FGF18: variants seen among roughly 807,000 people sequenced by gnomAD.
FGF18 encodes fibroblast growth factor 18.
FGF18 carries 5 observed loss-of-function variants against 23.0 expected under a neutral mutation model. The observed-to-expected ratio is 0.22, with a 90% CI of 0.11 to 0.46. The LOEUF is 0.46. Among genes scored for constraint, FGF18 ranks in the 20% least tolerant of loss-of-function variants. The pLI is 0.99. For synonymous variants in FGF18, 117 were observed against 118.9 expected, an observed-to-expected ratio of 0.98 and a Z score of 0.10; for missense variants, 180 against 291.6, an observed-to-expected ratio of 0.62 and a Z score of 2.79.
chr5:171,446,323 G>C (rs1772418623), intron 3 of FGF18, among the ~76,000 whole-genome samples: 1 of 152,120 alleles, frequency 6.6e-6, no homozygotes, highest in Non-Finnish European at 1.5e-5. Context: ...GCCCTGGCTG[G>C]TGAGGGGTGG....
At chr5:171,425,529 CTTTTT>C (rs77671680) in intron 2 of FGF18, among the ~76,000 whole-genome samples, 1 of 106,204 alleles carries the variant, frequency 9.4e-6, no homozygotes, top group Non-Finnish European at 1.9e-5. Context: ...CCGCCATGTG[CTTTTT>C]TTTTTTTTTT....
intron 3 of FGF18, among the ~76,000 whole-genome samples, chr5:171,442,137 C>A (rs1772355379): frequency 6.6e-6 from 1 of 152,192 alleles, no homozygotes; most frequent in African/African-American, 2.4e-5. Flanking sequence ...CACGGCTATG[C>A]TAGAGCTACA....
chr5:171,420,476 C>T, intron 2 of FGF18, 33 bp downstream of exon 2: 2 of 1,607,050 alleles, frequency 1.2e-6, no homozygotes, highest in Non-Finnish European at 1.7e-6. Flanking sequence ...CCTCCTCCCG[C>T]CCCTGCCTCG....
intron 4 of FGF18, among the ~76,000 whole-genome samples, chr5:171,450,718 TCGGGGC>T (rs928528790): frequency 4.6e-5 from 7 of 151,454 alleles, no homozygotes; most frequent in Non-Finnish European, 5.9e-5. Flanking sequence ...GCGAGGGGGG[TCGGGGC>T]CGGGGCCGGG....
intron 2 of FGF18, among the ~76,000 whole-genome samples, chr5:171,428,340 A>G (rs1027538400): frequency 1.3e-5 from 2 of 152,146 alleles, no homozygotes; most frequent in African/African-American, 4.8e-5. Context: ...GCCAGCACCT[A>G]TCCCAGCCAT....
chr5:171,448,629 G>A (rs1772451450), intron 3 of FGF18, among the ~76,000 whole-genome samples: 1 of 152,030 alleles, frequency 6.6e-6, no homozygotes, highest in East Asian at 1.9e-4. Context: ...GGTTATTTTT[G>A]TGATTGTCTG....
intron 3 of FGF18, among the ~76,000 whole-genome samples, chr5:171,448,264 C>T (rs1300872058): frequency 6.6e-6 from 1 of 152,158 alleles, no homozygotes; most frequent in East Asian, 1.9e-4. Flanking sequence ...GGATCCGGTC[C>T]TGATTGGGAT....
chr5:171,422,733 C>G (rs1382290029), intron 2 of FGF18, among the ~76,000 whole-genome samples: 2 of 152,162 alleles, frequency 1.3e-5, no homozygotes, highest in Non-Finnish European at 2.9e-5. Context: ...GTAGGCTGCA[C>G]TTAGCGGGTA....
intron 3 of FGF18, among the ~76,000 whole-genome samples, chr5:171,443,711 GT>G (rs1425704222): frequency 1.3e-5 from 2 of 151,394 alleles, no homozygotes; most frequent in Non-Finnish European, 2.9e-5. Context: ...GACAACATGA[GT>G]TTTTTGTAGA....
In FGF18 at chr5:171,420,131, C is replaced by A. The variant is rs976565372; in HGVS notation, c.-69C>A. 20 of 1,303,664 alleles carry A rather than the reference C, an allele frequency of 1.5e-5. No individual in the cohort carries two copies. Among genetic ancestry groups the A allele is most frequent in the Non-Finnish European group, 1.8e-5 (19 of 1,027,304 alleles). 80.8% of individuals were successfully genotyped at this position (1,303,664 alleles called of 1,614,324 possible). A position where few individuals can be genotyped will look rare whatever the true frequency, so the allele number is the denominator to read the frequency against. ...CGGCGGCGGCGGCGGCGGAGGCGCC[C>A]GGTCCCGGCCGCGCGGAGCGGACAT... On this transcript the variant is annotated 5_prime_UTR_variant, in exon 1 of 5. Coordinates refer to ENST00000274625, the MANE Select transcript of FGF18 (RefSeq NM_003862.3).
At position 171,419,989 on chromosome 5, in the gene FGF18, G is replaced by C. The variant is rs1346997440; in HGVS notation, c.-211G>C. 1 of 196,512 alleles carries C rather than the reference G, an allele frequency of 5.1e-6. No individual in the cohort carries two copies. Among genetic ancestry groups the C allele is most frequent in the African/African-American group, 2.4e-5 (1 of 42,206 alleles). The allele number at this position is 196,512 out of a possible 1,614,324, so 12.2% of individuals were successfully genotyped here. A position where few individuals can be genotyped will look rare whatever the true frequency, so the allele number is the denominator to read the frequency against. ...CCTGCGCCAGCCCGGAGGGCGCAGC[G>C]CTCGGGAGGAGCCGCGCGGGGCGCT... On this transcript the variant is annotated 5_prime_UTR_variant, in exon 1 of 5. Coordinates refer to ENST00000274625, the MANE Select transcript of FGF18 (RefSeq NM_003862.3).
intron 2 of FGF18, among the ~76,000 whole-genome samples, chr5:171,432,776 C>T (rs1161085023): frequency 6.6e-6 from 1 of 152,246 alleles, no homozygotes; most frequent in Non-Finnish European, 1.5e-5. Flanking sequence ...GTTGCCTTAA[C>T]ACATCCCTCT....
rs534322394 is a variant in FGF18, at chr5:171,449,143, G to A, written c.251-4G>A. ...GTGTCTTGTTCTCCTTCTGCCTTTC[G>A]AAGCCCAGCTCCTAGTGGAGACAGA... On this transcript the variant is annotated splice_polypyrimidine_tract_variant and splice_region_variant and intron_variant, in intron 3 of 4. Transcript: ENST00000274625. 4 of 1,611,348 alleles carry A rather than the reference G, an allele frequency of 2.5e-6. No individual in the cohort carries two copies. In the African/African-American group the frequency reaches 4.0e-5, roughly 16 times the overall value.
In FGF18 at chr5:171,456,624, G is replaced by A; in HGVS notation, c.443G>A (p.Gly148Asp). The change falls in exon 5 of 5, where the codon GGC becomes GAC. Residue 148 changes from glycine to aspartate, a missense_variant. Coordinates refer to ENST00000274625, the MANE Select transcript of FGF18 (RefSeq NM_003862.3). This position sits in a 1 kb window ranked among gnomAD's most constrained non-coding sequence, Gnocchi z 6.1. ...GCCCTGATGTCGGCTAAGTACTCCG[G>A]CTGGTACGTGGGCTTCACCAAGAAG... ...YTALMSAKYS[G>D]WYVGFTKKGR... 2 of 1,614,116 alleles carry A rather than the reference G, an allele frequency of 1.2e-6. No homozygotes were observed. The highest frequency in any genetic ancestry group is 1.7e-6 in the Non-Finnish European group (2 of 1,180,020).
chr5:171,426,368 C>T (rs1386206900), intron 2 of FGF18, among the ~76,000 whole-genome samples: 5 of 152,188 alleles, frequency 3.3e-5, no homozygotes, highest in Non-Finnish European at 5.9e-5. Context: ...CCTCTGTATG[C>T]TCCTAGCTTT....
chr5:171,438,399 C>T (rs145169199), intron 3 of FGF18, among the ~76,000 whole-genome samples: 8 of 152,114 alleles, frequency 5.3e-5, no homozygotes, highest in Non-Finnish European at 7.4e-5. Flanking sequence ...TGGCCGCGCC[C>T]GGCCATGCTT....
intron 3 of FGF18, among the ~76,000 whole-genome samples, chr5:171,445,916 T>G (rs1049759575): frequency 6.6e-6 from 1 of 152,146 alleles, no homozygotes; most frequent in Non-Finnish European, 1.5e-5. Context: ...AGCAGCATCC[T>G]GGGGGCTTGG....
In FGF18 at chr5:171,431,240, C is replaced by T. The variant is rs530586375; in HGVS notation, c.70-4853C>T. ...GGCTCACCTCAACCTCTTTTCATCA[C>T]GTGGAAGGTTCTTACCAAGGTGCCT... On this transcript the variant is annotated intron_variant, in intron 2 of 4. Transcript: ENST00000274625. 3.0e-4 allele frequency among the ~76,000 whole-genome samples: 45 copies of T among 152,238 alleles called. 2 individuals carry two copies. In the South Asian group the frequency reaches 8.9e-3, roughly 30 times the overall value.
chr5:171,436,244 G>A lies in FGF18; in HGVS notation c.221G>A (p.Ser74Asn). 6.3e-7 allele frequency: 1 copy of A among 1,596,558 alleles called. No individual in the cohort carries two copies. Among genetic ancestry groups the A allele is most frequent in the South Asian group, 1.1e-5 (1 of 88,706 alleles). Residue 74 changes from serine (S) to asparagine (N), a missense_variant, in exon 3 of 5, where the codon AGT becomes AAT. Transcript: ENST00000274625. The surrounding 1 kb of genome is among the most constrained non-coding windows in gnomAD (Gnocchi z 4.4). ...KHIQVLGRRI[S>N]ARGEDGDKYA... Reference sequence around the variant, plus strand: ...ATCCAGGTCCTGGGCCGCAGGATCAGTGCCCGCGGCGAGGATGGGGACAAG... The same window carrying A: ...ATCCAGGTCCTGGGCCGCAGGATCAATGCCCGCGGCGAGGATGGGGACAAG...
Sources: allele counts gnomAD v4.1 joint callset (sites outside exome capture counted in the v4.1 genomes callset), GRCh38; gene constraint gnomAD v4.1.1; non-coding constraint Gnocchi (gnomAD v3.1); transcripts MANE v1.5; gene names NCBI Gene and HGNC (gene_info 2026-07-23, HGNC 2026-07-21).